Variants in SLC38A1 observed in about 807,000 individuals in gnomAD.
SLC38A1 encodes sodium-coupled neutral amino acid symporter 1.
Under a neutral mutation model 60.3 loss-of-function variants are expected in SLC38A1, and 18 were observed. The observed-to-expected ratio is 0.30, with a 90% CI of 0.21 to 0.44. The LOEUF (loss-of-function observed/expected upper bound fraction) is 0.44, where lower values mean the gene tolerates loss of function less well. Ranked by LOEUF, SLC38A1 falls within the 20% of genes least tolerant of loss-of-function variation. SLC38A1 has a pLI of 1.00. For synonymous variants in SLC38A1, 196 were observed against 212.1 expected, an observed-to-expected ratio of 0.92 and a Z score of 0.66; for missense variants, 448 against 587.2, an observed-to-expected ratio of 0.76 and a Z score of 2.45.
At chr12:46,202,578 T>C (rs999473941) in intron 12 of SLC38A1, among the ~76,000 whole-genome samples, 3 of 150,014 alleles carry the variant, frequency 2.0e-5, no homozygotes, top group Admixed American at 6.6e-5. Context: ...TGATTTCTTA[T>C]TGTCTGATTT....
chr12:46,214,009 C>T (rs1036748986), intron 5 of SLC38A1, among the ~76,000 whole-genome samples: 19 of 152,202 alleles, frequency 1.2e-4, no homozygotes, highest in African/African-American at 4.6e-4. Context: ...ATCTACTTAG[C>T]TCACTGTATC....
intron 1 of SLC38A1, among the ~76,000 whole-genome samples, chr12:46,256,040 G>A (rs560840584): frequency 1.5e-4 from 23 of 151,852 alleles, no homozygotes; most frequent in Non-Finnish European, 2.8e-4. Context: ...GGTGGCAGGC[G>A]CCTGTAGTCC....
chr12:46,203,573 T>C (rs899517192), intron 11 of SLC38A1, among the ~76,000 whole-genome samples: 7 of 152,164 alleles, frequency 4.6e-5, no homozygotes, highest in Admixed American at 4.6e-4. Flanking sequence ...GAAAAGAAAA[T>C]CTGTTCCATA....
chr12:46,195,300 T>C (rs1939318772), intron 16 of SLC38A1, among the ~76,000 whole-genome samples: 1 of 152,192 alleles, frequency 6.6e-6, no homozygotes, highest in African/African-American at 2.4e-5. Flanking sequence ...TGCCTGATCC[T>C]TCCTCTGGAA....
chr12:46,229,995 C>A (rs1399483323), intron 3 of SLC38A1, among the ~76,000 whole-genome samples: 1 of 152,150 alleles, frequency 6.6e-6, no homozygotes, highest in Admixed American at 6.5e-5. Flanking sequence ...CATTTTGAAT[C>A]ATTTTAATAA....
At chr12:46,190,797 A>G (rs1048203765) in intron 16 of SLC38A1, among the ~76,000 whole-genome samples, 1 of 151,794 alleles carries the variant, frequency 6.6e-6, no homozygotes, top group Non-Finnish European at 1.5e-5. Context: ...TTTTCTTGTA[A>G]ATTTGTTTGA....
intron 1 of SLC38A1, among the ~76,000 whole-genome samples, chr12:46,262,060 G>A (rs1275034660): frequency 6.6e-6 from 1 of 152,216 alleles, no homozygotes; most frequent in Non-Finnish European, 1.5e-5. Flanking sequence ...GCTCACAGGG[G>A]ATGAGTATGG....
chr12:46,249,000 C>CA (rs907898514), intron 1 of SLC38A1, among the ~76,000 whole-genome samples: 111 of 151,854 alleles, frequency 7.3e-4, no homozygotes, highest in African/African-American at 2.6e-3. Flanking sequence ...ACTAAAAATA[C>CA]AAAAAATTAA....
chr12:46,248,520 G>C (rs1941706574), intron 1 of SLC38A1, among the ~76,000 whole-genome samples: 1 of 152,172 alleles, frequency 6.6e-6, no homozygotes, highest in South Asian at 2.1e-4. Flanking sequence ...GGAGCACCCA[G>C]ACTCATAAAG....
At chr12:46,223,512 C>T (rs188796793) in intron 5 of SLC38A1, among the ~76,000 whole-genome samples, 5 of 151,804 alleles carry the variant, frequency 3.3e-5, no homozygotes, top group East Asian at 1.9e-4. Flanking sequence ...TAGCTCTATG[C>T]GTTGGTACTA....
intron 5 of SLC38A1, among the ~76,000 whole-genome samples, chr12:46,214,838 A>G (rs373415362): frequency 4.5e-4 from 68 of 152,330 alleles, no homozygotes; most frequent in African/African-American, 1.6e-3. Context: ...AGCAGCCGTC[A>G]CTGCATCAGA....
chr12:46,261,693 A>G (rs941673176), intron 1 of SLC38A1, among the ~76,000 whole-genome samples: 3 of 152,358 alleles, frequency 2.0e-5, no homozygotes, highest in Middle Eastern at 3.4e-3. Flanking sequence ...AAATGCATTT[A>G]GTATTGTAAA....
intron 3 of SLC38A1, among the ~76,000 whole-genome samples, chr12:46,230,249 T>C (rs1941022026): frequency 1.3e-5 from 2 of 152,176 alleles, no homozygotes; most frequent in Non-Finnish European, 2.9e-5. Context: ...TGCAAGTCAC[T>C]GGAACAGGCA....
Position 46,184,273 on chromosome 12 carries a change from C to T in SLC38A1, c.*4697G>A, listed in dbSNP as rs1938864272. 1 of 152,164 alleles carries T rather than the reference C, an allele frequency of 6.6e-6. No homozygotes were observed. Among genetic ancestry groups the T allele is most frequent in the African/African-American group, 2.4e-5 (1 of 41,440 alleles). 9.4% of individuals were successfully genotyped at this position (152,164 alleles called of 1,614,324 possible). A position where few individuals can be genotyped will look rare whatever the true frequency, so the allele number is the denominator to read the frequency against. Reference sequence around the variant, plus strand: ...GCTTTATCTCGTTATAAATAATTCACTGTAATTTAGGGGAAGTATGTCCTG... The same window carrying T: ...GCTTTATCTCGTTATAAATAATTCATTGTAATTTAGGGGAAGTATGTCCTG... On this transcript the variant is annotated 3_prime_UTR_variant, in exon 17 of 17. Transcript: ENST00000398637.
chr12:46,217,324 G>C (rs1940457169), intron 5 of SLC38A1, among the ~76,000 whole-genome samples: 1 of 152,180 alleles, frequency 6.6e-6, no homozygotes, highest in South Asian at 2.1e-4. Flanking sequence ...CAAACATCCA[G>C]AGTGGAATAA....
chr12:46,233,106 G>A (rs1941137215), intron 3 of SLC38A1, among the ~76,000 whole-genome samples: 1 of 152,052 alleles, frequency 6.6e-6, no homozygotes, highest in Admixed American at 6.6e-5. Flanking sequence ...GTAACCTGGA[G>A]CTCCTAGGCT....
intron 5 of SLC38A1, among the ~76,000 whole-genome samples, chr12:46,223,572 TA>T (rs1940746690): frequency 6.6e-6 from 1 of 152,100 alleles, no homozygotes; most frequent in Non-Finnish European, 1.5e-5. Context: ...TTAGATAAAT[TA>T]TCTTTTTCAC....
chr12:46,236,949 G>A (rs1471649532), intron 3 of SLC38A1, among the ~76,000 whole-genome samples: 1 of 152,162 alleles, frequency 6.6e-6, no homozygotes, highest in Non-Finnish European at 1.5e-5. Context: ...GCCATTCCAG[G>A]TATAGGTTTC....
chr12:46,234,533 C>T (rs938500588), intron 3 of SLC38A1, among the ~76,000 whole-genome samples: 6 of 151,196 alleles, frequency 4.0e-5, no homozygotes, highest in African/African-American at 9.8e-5. Context: ...CTGCAAGCTC[C>T]GCCTCCTGGG....
Sources: gnomAD v4.1 joint callset for allele counts (sites outside exome capture counted in the v4.1 genomes callset) on GRCh38, gnomAD v4.1.1 for gene constraint, MANE v1.5 for transcripts, NCBI Gene and HGNC (gene_info 2026-07-23, HGNC 2026-07-21) for gene names.